Variants in MEI1 observed in about 807,000 individuals in gnomAD.
MEI1 encodes the protein meiosis inhibitor protein 1.
A neutral mutation model predicts 146.2 loss-of-function variants in MEI1; 103 were observed. The observed-to-expected ratio is 0.70, with a 90% CI of 0.60 to 0.83. MEI1 has a LOEUF of 0.83. Among genes scored for constraint, MEI1 ranks in the 40% least tolerant of loss-of-function variants. MEI1 has a pLI of 0.00. For missense variants in MEI1, 1,529 were observed against 1,533.0 expected (o/e 1.00, Z 0.04); for synonymous variants, 652 against 628.2 (o/e 1.04, Z -0.57).
intron 20 of MEI1, 57 bp from the exon 21 acceptor site, chr22:41,776,045 T>C: frequency 6.4e-7 from 1 of 1,568,122 alleles, no homozygotes. Flanking sequence ...TTCCTCATTG[T>C]CACTTTTCCC....
intron 7 of MEI1, among the ~76,000 whole-genome samples, chr22:41,728,498 G>C (rs1366138304): frequency 6.6e-6 from 1 of 152,226 alleles, no homozygotes; most frequent in Admixed American, 6.5e-5. Context: ...CAGCATTTAG[G>C]GAGGCCAAGG....
At chr22:41,779,186 G>A (rs996164653) in intron 22 of MEI1, among the ~76,000 whole-genome samples, 9 of 151,892 alleles carry the variant, frequency 5.9e-5, no homozygotes, top group Non-Finnish European at 1.0e-4. Flanking sequence ...AGTGGCTCAC[G>A]CCTATAATCC....
In MEI1 at chr22:41,745,003, G is replaced by A; in HGVS notation, c.1477G>A (p.Ala493Thr). The A allele has an allele frequency of 6.4e-7, 1 of 1,564,166 alleles. No individual in the cohort carries two copies. Residue 493 changes from alanine (A) to threonine (T), a missense_variant, in exon 13 of 31, where the codon GCC (alanine) becomes ACC (threonine). Around this residue, in one of 3 missense-constraint regions of MEI1, gnomAD observed 1,212 missense variants for 1,178.9 expected, o/e 1.03. Transcript: ENST00000401548. ...TGCCTCCAGTAGAGATTCAGAGAAG[G>A]CCATTCTTCAAAGGGGAAAGTTCCT... is the stretch of plus-strand genomic sequence containing the variant. Reference protein sequence around the residue: ...GHASSRDSEKAILQRGKFLLS... With the variant: ...GHASSRDSEKTILQRGKFLLS...
intron 19 of MEI1, among the ~76,000 whole-genome samples, chr22:41,767,080 G>C (rs570736771): frequency 6.6e-6 from 1 of 152,166 alleles, no homozygotes; most frequent in African/African-American, 2.4e-5. Flanking sequence ...GGACTGCCTA[G>C]ATGAGGTAGT....
Position 41,699,825 on chromosome 22 carries a change from C to T in MEI1, c.174+113C>T, listed in dbSNP as rs557280812. Reference sequence around the variant, plus strand: ...TGAACCCGACGCGAAACCGGGCCCCCGCGCTGTGTTCACTCTCCTCCCTGT... The same window carrying T: ...TGAACCCGACGCGAAACCGGGCCCCTGCGCTGTGTTCACTCTCCTCCCTGT... On this transcript the variant is annotated intron_variant, in intron 1 of 30. Transcript: ENST00000401548. The T allele has an allele frequency of 1.4e-3, 1,773 of 1,308,602 alleles. 22 individuals are homozygous for T. In the African/African-American group the frequency reaches 0.025, roughly 18 times the overall value. 81.1% of individuals were successfully genotyped at this position (1,308,602 alleles called of 1,614,324 possible).
At chr22:41,707,649 A>G (rs2069195575) in intron 3 of MEI1, among the ~76,000 whole-genome samples, 2 of 152,234 alleles carry the variant, frequency 1.3e-5, no homozygotes, top group African/African-American at 4.8e-5. Flanking sequence ...TCTTAAAAAA[A>G]AAGTGTTAAG....
intron 19 of MEI1, among the ~76,000 whole-genome samples, chr22:41,769,055 T>G (rs2148030768): frequency 6.6e-6 from 1 of 152,266 alleles, no homozygotes; most frequent in Middle Eastern, 3.4e-3. Flanking sequence ...TGTACTTTTT[T>G]GCAAAAATGA....
intron 26 of MEI1, among the ~76,000 whole-genome samples, chr22:41,786,174 T>C (rs2075979834): frequency 6.6e-6 from 1 of 151,896 alleles, no homozygotes; most frequent in African/African-American, 2.4e-5. Context: ...CCTCCCAAAG[T>C]GCTGGGATTA....
At chr22:41,716,412 T>A (rs1376848233) in intron 5 of MEI1, among the ~76,000 whole-genome samples, 1 of 133,912 alleles carries the variant, frequency 7.5e-6, no homozygotes, top group African/African-American at 3.0e-5. Flanking sequence ...GTCTTGCTCT[T>A]GTTGCCCAGG....
intron 1 of MEI1, among the ~76,000 whole-genome samples, chr22:41,700,733 A>G (rs1308264322): frequency 6.8e-6 from 1 of 146,084 alleles, no homozygotes; most frequent in Non-Finnish European, 1.5e-5. Context: ...TGGATTGGCT[A>G]GATCAGCAGT....
In MEI1 at chr22:41,717,950, T is replaced by C. The variant is rs146423150; in HGVS notation, c.530-121T>C. ...CTTTAGATTAAGCATGCAGAAAGCA[T>C]TTTTTGTGGGGGATTATAGGGACTT... On this transcript the variant is annotated intron_variant, in intron 5 of 30. Transcript: ENST00000401548. The C allele has an allele frequency of 1.2e-5, 10 of 841,702 alleles. No individual in the cohort carries two copies. The East Asian group carries it at 2.1e-4, about 18-fold the overall frequency. The allele number at this position is 841,702 out of a possible 1,614,324, so 52.1% of individuals were successfully genotyped here.
chr22:41,733,491 T>A (rs1043113026), intron 11 of MEI1, among the ~76,000 whole-genome samples: 5 of 151,702 alleles, frequency 3.3e-5, no homozygotes, highest in African/African-American at 1.2e-4. Context: ...GCACAGTGGC[T>A]TATCCCTGTA....
In MEI1 at chr22:41,703,494, A is replaced by T. The variant is rs779122775; in HGVS notation, c.298+40A>T. On this transcript the variant is annotated intron_variant, in intron 2 of 30. Coordinates refer to ENST00000401548, the MANE Select transcript of MEI1 (RefSeq NM_152513.4). ...GAAATTTGACATGAGTTTTGAATGT[A>T]TAGTATGTATATCTGCTTTTGGGGC... The T allele has an allele frequency of 4.7e-6, 7 of 1,499,772 alleles. No homozygotes were observed. In the East Asian group the frequency reaches 1.7e-4, roughly 36 times the overall value. The allele number at this position is 1,499,772 out of a possible 1,614,324, so 92.9% of individuals were successfully genotyped here.
At chr22:41,755,787 A>T (rs1213999780) in intron 17 of MEI1, among the ~76,000 whole-genome samples, 1 of 152,148 alleles carries the variant, frequency 6.6e-6, no homozygotes, top group Non-Finnish European at 1.5e-5. Context: ...TATTGATGAG[A>T]GCATGCTTTG....
chr22:41,745,827 T>C, intron 13 of MEI1, 58 bp from the exon 14 acceptor site: 1 of 1,511,056 alleles, frequency 6.6e-7, no homozygotes, highest in South Asian at 1.3e-5. Context: ...CAGGAAGCTG[T>C]TTGTAACCTT....
Position 41,699,564 on chromosome 22 carries a change from C to G in MEI1, c.26C>G (p.Ala9Gly). Reference sequence around the variant, plus strand: ...ATGGCTGTGAGGCAGGCGGCGACGGCGGGCACTCCCGGGCCCAGGAGAGAG... The same window carrying G: ...ATGGCTGTGAGGCAGGCGGCGACGGGGGGCACTCCCGGGCCCAGGAGAGAG... The part of the protein sequence containing the change: MAVRQAAT[A>G]GTPGPRREEE... Residue 9 changes from alanine (A) to glycine (G), a missense_variant, in exon 1 of 31, where the codon GCG becomes GGG. Coordinates refer to ENST00000401548, the MANE Select transcript of MEI1 (RefSeq NM_152513.4). 1 of 1,611,696 alleles carries G rather than the reference C, an allele frequency of 6.2e-7. No homozygotes were observed. Among genetic ancestry groups the G allele is most frequent in the Non-Finnish European group, 8.5e-7 (1 of 1,179,008 alleles).
intron 6 of MEI1, among the ~76,000 whole-genome samples, chr22:41,722,433 T>TA (rs900252661): frequency 1.8e-4 from 27 of 151,840 alleles, no homozygotes; most frequent in African/African-American, 6.3e-4. Flanking sequence ...AAGTAGCTGG[T>TA]ATTACAGGTG....
intron 25 of MEI1, 72 bp downstream of exon 25, chr22:41,784,492 C>G: frequency 6.3e-7 from 1 of 1,595,900 alleles, no homozygotes; most frequent in Non-Finnish European, 8.6e-7. Context: ...AGCACCCTGA[C>G]CAGCCAATGG....
intron 17 of MEI1, among the ~76,000 whole-genome samples, chr22:41,756,271 A>G (rs1053842547): frequency 2.6e-5 from 4 of 151,806 alleles, no homozygotes; most frequent in African/African-American, 9.7e-5. Context: ...AATAGCTGGG[A>G]CTACAAGCAT....
Sources: gnomAD v4.1 joint callset for allele counts (sites outside exome capture counted in the v4.1 genomes callset) on GRCh38, gnomAD v4.1.1 for gene constraint, gnomAD v4.1.1 regional missense constraint, MANE v1.5 for transcripts, NCBI Gene and HGNC (gene_info 2026-07-23, HGNC 2026-07-21) for gene names.